The following CRHBP variants were observed in gnomAD, a reference collection of about 807,000 sequenced individuals.
CRHBP encodes corticotropin releasing hormone binding protein, also known as corticotropin-releasing hormone-binding protein.
In CRHBP, 19 loss-of-function variants were observed where a neutral mutation model predicts 34.9. The ratio of observed to expected loss-of-function variants is 0.55; its 90% CI spans 0.38 to 0.80. The LOEUF (loss-of-function observed/expected upper bound fraction) is 0.80. Ranked by LOEUF, CRHBP falls within the 30% of genes least tolerant of loss-of-function variation. The probability of loss-of-function intolerance (pLI) is 0.00; values close to 1 mark genes in which losing one functional copy is unlikely to be tolerated. For missense variants in CRHBP, 328 were observed against 409.2 expected (o/e 0.80, Z 1.71); for synonymous variants, 154 against 153.4 (o/e 1.00, Z -0.03).
chr5:76,961,311 T>G (rs2150707093), intron 5 of CRHBP, among the ~76,000 whole-genome samples: 1 of 152,330 alleles, frequency 6.6e-6, no homozygotes, highest in Non-Finnish European at 1.5e-5. Context: ...CTTTAGTTTC[T>G]ATTTCTTCCT....
At chr5:76,972,169 G>A (rs927320250), downstream of CRHBP, among the ~76,000 whole-genome samples, 1 of 151,640 alleles carries the variant, frequency 6.6e-6, no homozygotes, top group Non-Finnish European at 1.5e-5. Context: ...AGTATCTGGG[G>A]GTCACGGGTG....
chr5:76,953,792 C>A, intron 2 of CRHBP, 98 bp downstream of exon 2: 2 of 1,329,238 alleles, frequency 1.5e-6, no homozygotes, highest in African/African-American at 1.5e-5. Context: ...GGGGAAGGGG[C>A]TGGCCGGAAC....
intron 5 of CRHBP, 147 bp downstream of exon 5, chr5:76,959,036 A>G (rs1482708865): frequency 6.4e-6 from 5 of 778,112 alleles, no homozygotes; most frequent in Non-Finnish European, 9.5e-6. Context: ...TGTTTGCCCT[A>G]GCTGCTTTGA....
downstream of CRHBP, among the ~76,000 whole-genome samples, chr5:76,969,934 C>CTTTTTTTTTTTTTTTTTTTT (rs201228247): frequency 1.6e-5 from 1 of 61,628 alleles, no homozygotes; most frequent in African/African-American, 6.7e-5. Context: ...AAAGAAAATT[C>CTTTTTTTTTTTTTTTTTTTT]TTTTTTTTTT....
intron 3 of CRHBP, among the ~76,000 whole-genome samples, chr5:76,978,533 G>A (rs1171686865): frequency 1.6e-5 from 2 of 123,780 alleles, no homozygotes; most frequent in African/African-American, 3.9e-5. Context: ...GAGACTTACT[G>A]CTGAGAAAAA....
chr5:76,959,087 A>T, intron 5 of CRHBP, 198 bp downstream of exon 5: 1 of 507,670 alleles, frequency 2.0e-6, no homozygotes. Flanking sequence ...CAAGTTGCAT[A>T]CTCAGGTGCC....
rs747936123 is a variant in CRHBP, at chr5:76,953,683, G to A, written c.164G>A (p.Arg55His). The A allele has an allele frequency of 1.1e-5, 18 of 1,608,460 alleles. No individual in the cohort carries two copies. In the East Asian group the frequency reaches 3.8e-4, roughly 34 times the overall value. Residue 55 changes from arginine (R) to histidine (H), a missense_variant, in exon 2 of 7, where the codon CGC becomes CAC. Arg to His is a conservative substitution (Grantham distance 29, BLOSUM62 0). Coordinates refer to ENST00000274368, the MANE Select transcript of CRHBP (RefSeq NM_001882.4). ...KRELAGEQPY[R>H]RALRCLDMLS... ...GAGCTGGCTGGGGAGCAGCCGTACC[G>A]CCGCGCTCTGCGTGAGTCGAGGCTG...
chr5:76,953,378 C>T lies in CRHBP; in HGVS notation c.81+163C>T, dbSNP rs371946688. 9 of 824,970 alleles carry T rather than the reference C, an allele frequency of 1.1e-5. No individual in the cohort carries two copies. The East Asian group carries it at 2.4e-4, about 22-fold the overall frequency. The allele number at this position is 824,970 out of a possible 1,614,324, so 51.1% of individuals were successfully genotyped here. The stretch of plus-strand genomic sequence containing the variant: ...CCCCTATCCTGTTCTCCCTCCTTGC[C>T]TCTGAGCATCCCAGACTGCCTGCCT... On this transcript the variant is annotated intron_variant, in intron 1 of 6. Coordinates refer to ENST00000274368, the MANE Select transcript of CRHBP (RefSeq NM_001882.4).
At chr5:76,963,979 G>A (rs1561266775) in intron 6 of CRHBP, among the ~76,000 whole-genome samples, 1 of 152,104 alleles carries the variant, frequency 6.6e-6, no homozygotes, top group Non-Finnish European at 1.5e-5. Flanking sequence ...CCTCTCAAAG[G>A]CCAGTGTAAC....
At chr5:76,957,727 T>C (rs1745706666) in intron 4 of CRHBP, among the ~76,000 whole-genome samples, 1 of 152,248 alleles carries the variant, frequency 6.6e-6, no homozygotes, top group Admixed American at 6.5e-5. Flanking sequence ...CAAAAAATTG[T>C]AGAAGTTCTT....
chr5:76,964,780 C>T (rs557331327), intron 6 of CRHBP, among the ~76,000 whole-genome samples: 14 of 152,180 alleles, frequency 9.2e-5, no homozygotes, highest in Middle Eastern at 3.4e-3. Flanking sequence ...TGCTTGAACC[C>T]GGGCAGTGGT....
At chr5:76,972,934 C>T (rs1191621174), downstream of CRHBP, among the ~76,000 whole-genome samples, 4 of 152,132 alleles carry the variant, frequency 2.6e-5, no homozygotes, top group African/African-American at 7.2e-5. Flanking sequence ...TGATATGATC[C>T]TCCACACCTT....
intron 4 of CRHBP, among the ~76,000 whole-genome samples, chr5:76,958,400 A>G (rs2150706017): frequency 6.6e-6 from 1 of 152,222 alleles, no homozygotes; most frequent in South Asian, 2.1e-4. Context: ...TTTAAGCTGG[A>G]CTCTAGTTAA....
chr5:76,967,948 C>T (rs1312209057), intron 6 of CRHBP, among the ~76,000 whole-genome samples: 1 of 152,050 alleles, frequency 6.6e-6, no homozygotes. Context: ...CCACCCACGT[C>T]GGCCTCCCAA....
intron 3 of CRHBP, among the ~76,000 whole-genome samples, chr5:76,979,360 GT>G (rs1410073961): frequency 2.0e-5 from 3 of 151,466 alleles, no homozygotes; most frequent in African/African-American, 4.9e-5. Context: ...CAACAATAAA[GT>G]TTTTTTCTTT....
chr5:76,953,799 G>A, intron 2 of CRHBP, 105 bp downstream of exon 2: 1 of 1,298,512 alleles, frequency 7.7e-7, no homozygotes, highest in Non-Finnish European at 1.1e-6. Flanking sequence ...GGGCTGGCCG[G>A]AACCGCCAGG....
chr5:76,955,507 A>G, intron 3 of CRHBP, 146 bp from the exon 4 acceptor site: 1 of 648,198 alleles, frequency 1.5e-6, no homozygotes, highest in South Asian at 2.1e-5. Flanking sequence ...ATACAAATGA[A>G]AAGGCGAGCA....
chr5:76,959,819 A>G (rs948792608), intron 5 of CRHBP, among the ~76,000 whole-genome samples: 1 of 152,118 alleles, frequency 6.6e-6, no homozygotes, highest in African/African-American at 2.4e-5. Flanking sequence ...GCTTGATATT[A>G]TTTGTATGTC....
intron 5 of CRHBP, among the ~76,000 whole-genome samples, chr5:76,960,686 A>G (rs1288343829): frequency 6.6e-6 from 1 of 152,056 alleles, no homozygotes; most frequent in Non-Finnish European, 1.5e-5. Context: ...AAACCAAAAA[A>G]CCTTCAATTT....
Sources: allele counts gnomAD v4.1 joint callset (sites outside exome capture counted in the v4.1 genomes callset), GRCh38; gene constraint gnomAD v4.1.1; transcripts MANE v1.5; gene names NCBI Gene and HGNC (gene_info 2026-07-23, HGNC 2026-07-21).